The following MARCHF1 variants were observed in gnomAD, a reference collection of about 807,000 sequenced individuals.
The protein encoded by MARCHF1 is membrane associated ring-CH-type finger 1.
Under a neutral mutation model 54.2 loss-of-function variants are expected in MARCHF1, and 40 were observed. The observed-to-expected ratio is 0.74, with a 90% confidence interval of 0.57 to 0.96. The LOEUF (loss-of-function observed/expected upper bound fraction) is 0.96. Ranked by LOEUF, MARCHF1 falls within the 40% of genes least tolerant of loss-of-function variation. The pLI is 0.00. For synonymous variants in MARCHF1, 236 were observed against 236.3 expected (o/e 1.00, Z 0.01); for missense variants, 586 against 656.5 (o/e 0.89, Z 1.17).
At chr4:163,882,453 C>G (rs1750436423) in intron 3 of MARCHF1, among the ~76,000 whole-genome samples, 1 of 152,146 alleles carries the variant, frequency 6.6e-6, no homozygotes, top group African/African-American at 2.4e-5. Flanking sequence ...GTCAGGTAGG[C>G]AGCTATGATA....
intron 8 of MARCHF1, among the ~76,000 whole-genome samples, chr4:163,578,421 A>T (rs186435846): frequency 1.7e-4 from 26 of 152,264 alleles, no homozygotes; most frequent in Admixed American, 5.2e-4. Flanking sequence ...AGTTCTATTT[A>T]ATCTATCCAG....
At chr4:163,556,122 A>C in intron 8 of MARCHF1, 1 of 370,602 alleles carries the variant, frequency 2.7e-6, no homozygotes, top group South Asian at 2.0e-5. Flanking sequence ...TCAGGAGCTA[A>C]TTATTAAAGC....
intron 3 of MARCHF1, among the ~76,000 whole-genome samples, chr4:163,902,963 C>CCTA (rs1342937635): frequency 6.6e-6 from 1 of 152,048 alleles, no homozygotes; most frequent in African/African-American, 2.4e-5. Context: ...TCGTCTCCTA[C>CCTA]CTACTCCCAC....
Position 163,775,698 on chromosome 4 carries a change from A to G in MARCHF1, c.112-74835T>C, listed in dbSNP as rs112144598. ...TAAGAAGGCGGCTAGGAGTAGGACA[A>G]ATATTAGGAAAAGTGCTTAGTTTTG... On this transcript the variant is annotated intron_variant, in intron 4 of 9. Transcript: ENST00000514618. Among the ~76,000 whole-genome samples, 752 of 152,252 alleles carry G rather than the reference A, an allele frequency of 4.9e-3. 9 individuals carry two copies. The highest frequency in any genetic ancestry group is 0.017 in the African/African-American group (706 of 41,548).
chr4:164,115,675 A>G (rs1016753418), intron 1 of MARCHF1, among the ~76,000 whole-genome samples: 2 of 150,602 alleles, frequency 1.3e-5, no homozygotes, highest in Non-Finnish European at 3.0e-5. Flanking sequence ...TTTTGGATAC[A>G]GCTTATGGTG....
At chr4:163,626,116 T>A (rs1336984653) in intron 5 of MARCHF1, among the ~76,000 whole-genome samples, 2 of 152,194 alleles carry the variant, frequency 1.3e-5, no homozygotes, top group African/African-American at 2.4e-5. Context: ...CATTGTACAG[T>A]GCATTCAAAT....
At chr4:163,584,525 G>GA (rs949860450) in intron 8 of MARCHF1, 2 of 152,214 alleles carry the variant, frequency 1.3e-5, no homozygotes, top group South Asian at 4.1e-4. Context: ...CTGGGCCCTA[G>GA]AAAAACAGGG....
At chr4:164,065,736 G>T (rs1360658313) in intron 2 of MARCHF1, among the ~76,000 whole-genome samples, 1 of 152,150 alleles carries the variant, frequency 6.6e-6, no homozygotes, top group Non-Finnish European at 1.5e-5. Flanking sequence ...TGGCAGTGCA[G>T]CCTTCAGTGT....
intron 9 of MARCHF1, among the ~76,000 whole-genome samples, chr4:163,534,951 A>G (rs1014845420): frequency 1.3e-5 from 2 of 152,100 alleles, no homozygotes; most frequent in African/African-American, 2.4e-5. Flanking sequence ...AAATAATTAC[A>G]TACAATTATG....
chr4:163,715,643 G>A (rs1561034756), intron 4 of MARCHF1, among the ~76,000 whole-genome samples: 1 of 151,978 alleles, frequency 6.6e-6, no homozygotes, highest in African/African-American at 2.4e-5. Flanking sequence ...AAATTACTGA[G>A]ATCCAATATA....
At chr4:163,798,903 G>A (rs1386736735) in intron 4 of MARCHF1, among the ~76,000 whole-genome samples, 1 of 152,030 alleles carries the variant, frequency 6.6e-6, no homozygotes, top group African/African-American at 2.4e-5. Context: ...AGTTACTTAT[G>A]TATAACTTCT....
intron 1 of MARCHF1, among the ~76,000 whole-genome samples, chr4:164,167,553 A>T (rs1730413362): frequency 6.8e-6 from 1 of 147,262 alleles, no homozygotes; most frequent in Non-Finnish European, 1.5e-5. Context: ...TAGTAATTTA[A>T]AAAGTATAGT....
chr4:164,046,517 G>C (rs1754247719), intron 2 of MARCHF1, among the ~76,000 whole-genome samples: 1 of 152,108 alleles, frequency 6.6e-6, no homozygotes, highest in South Asian at 2.1e-4. Context: ...TGACCAATGT[G>C]AATGTAATAA....
At chr4:164,285,924 A>G (rs1160161766) in intron 1 of MARCHF1, among the ~76,000 whole-genome samples, 1 of 151,942 alleles carries the variant, frequency 6.6e-6, no homozygotes, top group Non-Finnish European at 1.5e-5. Flanking sequence ...AGAACTTCTC[A>G]TAAAAAAATT....
chr4:164,109,567 A>G (rs1283971194), intron 2 of MARCHF1, among the ~76,000 whole-genome samples: 1 of 151,838 alleles, frequency 6.6e-6, no homozygotes, highest in Non-Finnish European at 1.5e-5. Context: ...ATTACTGAAA[A>G]TTCTTCATCA....
intron 4 of MARCHF1, among the ~76,000 whole-genome samples, chr4:163,814,391 C>T (rs189398643): frequency 1.3e-5 from 2 of 152,164 alleles, no homozygotes; most frequent in East Asian, 1.9e-4. Flanking sequence ...ATTGCCCCAA[C>T]ACATGGTGAA....
rs147785587 is a variant in MARCHF1, at chr4:163,795,735, A to C, written c.111+58286T>G. On this transcript the variant is annotated intron_variant, in intron 4 of 9. Transcript: ENST00000514618. ...TTGAAAGTTATTTAATGTACTGTTG[A>C]CCTTTGAACAATGTGACAGTTGGGG... Among the ~76,000 whole-genome samples the C allele has an allele frequency of 1.3e-4, 20 of 152,254 alleles. 1 individual carries two copies. In the East Asian group the frequency reaches 3.9e-3, roughly 29 times the overall value.
At chr4:163,881,490 A>G (rs189994655) in intron 3 of MARCHF1, among the ~76,000 whole-genome samples, 188 of 152,134 alleles carry the variant, frequency 1.2e-3, no homozygotes, top group African/African-American at 4.3e-3. Flanking sequence ...AAAAAAAATT[A>G]TCCAACAAAT....
At chr4:164,015,018 A>C (rs1348146768) in intron 2 of MARCHF1, among the ~76,000 whole-genome samples, 1 of 152,190 alleles carries the variant, frequency 6.6e-6, no homozygotes, top group African/African-American at 2.4e-5. Context: ...GATTTACTGC[A>C]GACCAAATGG....
Sources: gnomAD v4.1 joint callset for allele counts (sites outside exome capture counted in the v4.1 genomes callset) on GRCh38, gnomAD v4.1.1 for gene constraint, MANE v1.5 for transcripts, NCBI Gene and HGNC (gene_info 2026-07-23, HGNC 2026-07-21) for gene names.